Variants in CDH18 observed in about 807,000 individuals in gnomAD.
CDH18 encodes cadherin 18.
CDH18 carries 31 observed loss-of-function variants against 67.9 expected under a neutral mutation model. The ratio of observed to expected loss-of-function variants is 0.46; its 90% confidence interval spans 0.34 to 0.62. The LOEUF (loss-of-function observed/expected upper bound fraction) is 0.62, where lower values mean the gene tolerates loss of function less well. Among genes scored for constraint, CDH18 ranks in the 20% least tolerant of loss-of-function variants. The probability of loss-of-function intolerance (pLI) is 0.01; values close to 1 mark genes in which losing one functional copy is unlikely to be tolerated. For missense variants in CDH18, 890 were observed against 975.5 expected (o/e 0.91, Z 1.17); for synonymous variants, 362 against 347.2 (o/e 1.04, Z -0.48).
At chr5:19,801,294 T>G (rs1777442158) in intron 3 of CDH18, among the ~76,000 whole-genome samples, 1 of 152,206 alleles carries the variant, frequency 6.6e-6, no homozygotes, top group African/African-American at 2.4e-5. Context: ...CACGTATGTT[T>G]CATTACGTTA....
chr5:19,775,407 TCTGTGGATGCGGAATCTGTTA>T (rs1175893683), intron 3 of CDH18, among the ~76,000 whole-genome samples: 6 of 152,126 alleles, frequency 3.9e-5, no homozygotes, highest in East Asian at 1.9e-4. Context: ...GGAATCTGCT[TCTGTGGATGCGGAATCTGTTA>T]CTGTGGATGC....
chr5:20,146,350 T>TG (rs1012950293), intron 2 of CDH18, among the ~76,000 whole-genome samples: 1 of 152,130 alleles, frequency 6.6e-6, no homozygotes, highest in Non-Finnish European at 1.5e-5. Context: ...CTTTCTGTCC[T>TG]GGTAGACCAT....
chr5:19,597,521 C>G (rs1261611672), intron 6 of CDH18, among the ~76,000 whole-genome samples: 3 of 151,902 alleles, frequency 2.0e-5, no homozygotes, highest in Non-Finnish European at 2.9e-5. Flanking sequence ...CCAAAATAAA[C>G]AAACAAACAA....
In CDH18 at chr5:19,488,470, T is replaced by A. The variant is rs1262033436; in HGVS notation, c.1631-4918A>T. On this transcript the variant is annotated intron_variant, in intron 11 of 12. Coordinates refer to ENST00000382275, the MANE Select transcript of CDH18 (RefSeq NM_004934.5). ...GTGGATCTCTAATTAGACCAAAAAA[T>A]TTTTTAATGTGTATGAAGAGAAAGC... is the stretch of plus-strand genomic sequence containing the variant. Among the ~76,000 whole-genome samples, 4 of 152,278 alleles carry A rather than the reference T, an allele frequency of 2.6e-5. No homozygotes were observed. The South Asian group carries it at 6.2e-4, about 24-fold the overall frequency.
intron 1 of CDH18, among the ~76,000 whole-genome samples, chr5:20,334,185 T>C (rs1353482013): frequency 1.5e-5 from 2 of 137,476 alleles, no homozygotes; most frequent in South Asian, 2.2e-4. Flanking sequence ...CAGGCTGGAG[T>C]GCAGTGGCGC....
chr5:19,798,749 G>T (rs78497196), intron 3 of CDH18, among the ~76,000 whole-genome samples: 1 of 151,616 alleles, frequency 6.6e-6, no homozygotes, highest in Non-Finnish European at 1.5e-5. Flanking sequence ...TTTTTATTCC[G>T]CTAATTATTT....
At chr5:19,624,772 G>A (rs1751260200) in intron 5 of CDH18, among the ~76,000 whole-genome samples, 3 of 152,184 alleles carry the variant, frequency 2.0e-5, no homozygotes, top group Non-Finnish European at 4.4e-5. Context: ...CTACCAGACA[G>A]CAAACCTGCT....
At chr5:19,889,138 A>C (rs1441382426) in intron 2 of CDH18, among the ~76,000 whole-genome samples, 1 of 152,142 alleles carries the variant, frequency 6.6e-6, no homozygotes, top group Admixed American at 6.6e-5. Context: ...TAATGATAGC[A>C]AAAAAGTCTG....
chr5:20,069,407 T>TTATTTA (rs151317048), intron 2 of CDH18, among the ~76,000 whole-genome samples: 1 of 147,858 alleles, frequency 6.8e-6, no homozygotes, highest in African/African-American at 2.5e-5. Context: ...TTTTTATTAT[T>TTATTTA]TTTATTTATT....
intron 2 of CDH18, among the ~76,000 whole-genome samples, chr5:19,908,953 T>C (rs1036745811): frequency 6.6e-6 from 1 of 152,086 alleles, no homozygotes; most frequent in African/African-American, 2.4e-5. Flanking sequence ...TGGAGTCAGT[T>C]GGTCAGACTT....
intron 2 of CDH18, among the ~76,000 whole-genome samples, chr5:19,942,558 C>G (rs150202469): frequency 6.6e-6 from 1 of 152,288 alleles, no homozygotes; most frequent in East Asian, 1.9e-4. Flanking sequence ...TCCTTGACTT[C>G]TGGTTTTCAA....
intron 3 of CDH18, among the ~76,000 whole-genome samples, chr5:19,802,914 A>T (rs927045859): frequency 6.6e-6 from 1 of 152,228 alleles, no homozygotes; most frequent in Non-Finnish European, 1.5e-5. Flanking sequence ...GTCTGGCCCA[A>T]TTGTTCCTAA....
At chr5:20,395,396 A>G (rs1237161549) in intron 1 of CDH18, among the ~76,000 whole-genome samples, 1 of 152,146 alleles carries the variant, frequency 6.6e-6, no homozygotes, top group African/African-American at 2.4e-5. Context: ...ACCTATGGGT[A>G]CTCAAAGGCC....
chr5:20,514,957 C>T (rs906534976), intron 1 of CDH18, among the ~76,000 whole-genome samples: 1 of 151,584 alleles, frequency 6.6e-6, no homozygotes, highest in Non-Finnish European at 1.5e-5. Flanking sequence ...AAACAATCTT[C>T]ATAGATATGA....
intron 2 of CDH18, among the ~76,000 whole-genome samples, chr5:20,042,948 C>G (rs1363506490): frequency 6.6e-6 from 1 of 151,744 alleles, no homozygotes; most frequent in East Asian, 1.9e-4. Flanking sequence ...GGCGACAGAG[C>G]CAGACTCCGT....
intron 1 of CDH18, among the ~76,000 whole-genome samples, chr5:20,466,146 T>C (rs988616402): frequency 6.6e-6 from 1 of 152,062 alleles, no homozygotes; most frequent in Admixed American, 6.6e-5. Context: ...GAGGCAGCTT[T>C]CCCATTTCCT....
chr5:20,573,768 G>A (rs1212292233), intron 1 of CDH18, among the ~76,000 whole-genome samples: 2 of 140,388 alleles, frequency 1.4e-5, no homozygotes, highest in East Asian at 2.3e-4. Context: ...CTCAGTTAAC[G>A]GTTTGGCATT....
chr5:20,544,682 T>C (rs1270682811), intron 1 of CDH18, among the ~76,000 whole-genome samples: 3 of 152,068 alleles, frequency 2.0e-5, no homozygotes, highest in Admixed American at 6.6e-5. Context: ...CATAATCCAA[T>C]CACCTCCCAC....
intron 1 of CDH18, among the ~76,000 whole-genome samples, chr5:20,307,939 C>T (rs2149982592): frequency 6.6e-6 from 1 of 152,182 alleles, no homozygotes; most frequent in South Asian, 2.1e-4. Context: ...AACATTAATG[C>T]AAACAATTTA....
Sources: allele counts gnomAD v4.1 joint callset (sites outside exome capture counted in the v4.1 genomes callset), GRCh38; gene constraint gnomAD v4.1.1; transcripts MANE v1.5; gene names NCBI Gene and HGNC (gene_info 2026-07-23, HGNC 2026-07-21).